The following TECTA variants were observed in gnomAD, a reference collection of about 807,000 sequenced individuals.
The protein encoded by TECTA is alpha-tectorin.
In TECTA, 128 loss-of-function variants were observed where a neutral mutation model predicts 216.8. The observed-to-expected ratio is 0.59, with a 90% CI of 0.51 to 0.68. TECTA has a LOEUF of 0.68. Ranked by LOEUF, TECTA falls within the 30% of genes least tolerant of loss-of-function variation. The pLI, the probability that TECTA is intolerant of heterozygous loss-of-function variation, is 0.00. For synonymous variants in TECTA, 1,089 were observed against 1,117.1 expected, an observed-to-expected ratio of 0.97 and a Z score of 0.50; for missense variants, 2,551 against 2,786.2, an observed-to-expected ratio of 0.92 and a Z score of 1.90.
intron 15 of TECTA, among the ~76,000 whole-genome samples, chr11:121,161,274 A>G (rs532956778): frequency 2.0e-5 from 3 of 152,292 alleles, no homozygotes; most frequent in Non-Finnish European, 2.9e-5. Flanking sequence ...TAGGTAAAAC[A>G]GAGACTAAGA....
chr11:121,154,951 C>T (rs1388439558), intron 13 of TECTA, among the ~76,000 whole-genome samples: 1 of 152,188 alleles, frequency 6.6e-6, no homozygotes, highest in Non-Finnish European at 1.5e-5. Context: ...GCATGGTCAG[C>T]TCTTGGCTGC....
intron 18 of TECTA, among the ~76,000 whole-genome samples, chr11:121,167,277 A>T (rs1304631832): frequency 6.6e-6 from 1 of 152,150 alleles, no homozygotes; most frequent in Non-Finnish European, 1.5e-5. Context: ...TTTTTAAAAA[A>T]TCTAAAAATT....
intron 20 of TECTA, among the ~76,000 whole-genome samples, chr11:121,170,608 T>G (rs1947102289): frequency 6.6e-6 from 1 of 152,190 alleles, no homozygotes; most frequent in African/African-American, 2.4e-5. Flanking sequence ...GTCTTTTTAA[T>G]AGTAGCCATT....
intron 16 of TECTA, 134 bp downstream of exon 16, chr11:121,162,504 A>G: frequency 8.1e-7 from 1 of 1,240,562 alleles, no homozygotes; most frequent in Non-Finnish European, 1.1e-6. Context: ...ATTGGATAGT[A>G]GAGAGCTGTG....
Position 121,127,914 on chromosome 11 carries a change from C to G in TECTA, c.1937C>G (p.Pro646Arg), listed in dbSNP as rs1565523068. The G allele has an allele frequency of 1.9e-6, 3 of 1,614,168 alleles. No individual in the cohort carries two copies. Among genetic ancestry groups the G allele is most frequent in the Non-Finnish European group, 2.5e-6 (3 of 1,180,034 alleles). The change falls in exon 9 of 24, where the codon CCT (proline) becomes CGT (arginine). Residue 646 changes from proline (P) to arginine (R), a missense_variant. By Grantham distance (103) the Pro-to-Arg change is moderately radical. This residue lies in a region of TECTA where 2,375 missense variants were observed against 2,563.9 expected (regional missense o/e 0.93). Transcript: ENST00000392793. This position sits in a 1 kb window ranked among gnomAD's most constrained non-coding sequence, Gnocchi z 5.0. ...GFVLSTSQCV[P>R]LHKCGCDFDG... ...GTCCTCAGCACCAGCCAGTGCGTCC[C>G]TCTGCACAAGTGCGGCTGCGACTTC... is the stretch of plus-strand genomic sequence containing the variant.
Position 121,128,234 on chromosome 11 carries a change from G to T in TECTA, c.2257G>T (p.Asp753Tyr), listed in dbSNP as rs1339282058. Residue 753 changes from aspartate to tyrosine, a missense_variant, in exon 9 of 24, where the codon GAC becomes TAC. By Grantham distance (160) the Asp-to-Tyr change is radical. Coordinates refer to ENST00000392793, the MANE Select transcript of TECTA (RefSeq NM_005422.4). ...TGAGCGCCCAGAGTACTTGGAAATC[G>T]ACATCAACAAGAAGAAGCCCGATGC... is the stretch of plus-strand genomic sequence containing the variant. ...CPERPEYLEI[D>Y]INKKKPDAGP... is the part of the protein sequence containing the mutation. The T allele has an allele frequency of 1.2e-6, 2 of 1,601,244 alleles. No homozygotes were observed. The highest frequency in any genetic ancestry group is 1.7e-5 in the Admixed American group (1 of 60,018).
chr11:121,137,376 C>T, intron 10 of TECTA, 45 bp from the exon 11 acceptor site: 1 of 1,613,374 alleles, frequency 6.2e-7, no homozygotes, highest in Non-Finnish European at 8.5e-7. Context: ...CTGTCTCTGA[C>T]TTTTGTCCTT....
intron 12 of TECTA, among the ~76,000 whole-genome samples, chr11:121,146,511 C>T (rs918807395): frequency 6.6e-6 from 1 of 152,160 alleles, no homozygotes; most frequent in Non-Finnish European, 1.5e-5. Context: ...CATGCTTTGT[C>T]TAAGCATGTT....
intron 20 of TECTA, among the ~76,000 whole-genome samples, chr11:121,170,442 G>A (rs140764850): frequency 6.9e-6 from 1 of 145,512 alleles, no homozygotes; most frequent in Non-Finnish European, 1.5e-5. Flanking sequence ...TGTTTTGTTT[G>A]GTTTTGTTTT....
chr11:121,143,093 A>G (rs1031236762), intron 11 of TECTA, among the ~76,000 whole-genome samples: 3 of 152,194 alleles, frequency 2.0e-5, no homozygotes, highest in African/African-American at 2.4e-5. Context: ...TTCTGGCCTC[A>G]TCTTCCTACT....
intron 20 of TECTA, among the ~76,000 whole-genome samples, chr11:121,172,943 T>C (rs1193930844): frequency 2.0e-5 from 3 of 149,624 alleles, no homozygotes; most frequent in East Asian, 1.9e-4. Flanking sequence ...TGGCCAGTGA[T>C]GGTGAGCATT....
At chr11:121,119,721 G>A (rs923877367) in intron 7 of TECTA, among the ~76,000 whole-genome samples, 16 of 152,204 alleles carry the variant, frequency 1.1e-4, no homozygotes, top group Non-Finnish European at 1.0e-4. Flanking sequence ...AAAATGTGTT[G>A]TAGTTTTAAT....
chr11:121,130,046 TGC>T lies in TECTA; in HGVS notation c.2777_2778del (p.Cys926SerfsTer24), dbSNP rs964006794. On this transcript the variant is annotated frameshift_variant, in exon 10 of 24. Transcript: ENST00000392793. LOFTEE classifies it high-confidence loss of function. ...CCCCTCCAACAGCTCCTTCCTGGAG[TGC>T]CATGGGGTGGTGAACGTCACTGCCT... ...NDPSNSSFLE[C>X]HGVVNVTAYY... The T allele has an allele frequency of 6.2e-7, 1 of 1,613,186 alleles. No individual in the cohort carries two copies. Among genetic ancestry groups the T allele is most frequent in the African/African-American group, 1.3e-5 (1 of 74,862 alleles).
chr11:121,139,703 T>G lies in TECTA; in HGVS notation c.3543+1681T>G, dbSNP rs1026629750. 9.3e-5 allele frequency among the ~76,000 whole-genome samples: 13 copies of G among 140,402 alleles called. No homozygotes were observed. The South Asian group carries it at 2.7e-3, about 29-fold the overall frequency. The allele number at this position is 140,402 out of a possible 152,430, so 92.1% of individuals were successfully genotyped here. A position where few individuals can be genotyped will look rare whatever the true frequency, so the allele number is the denominator to read the frequency against. On this transcript the variant is annotated intron_variant, in intron 11 of 23. Coordinates refer to ENST00000392793, the MANE Select transcript of TECTA (RefSeq NM_005422.4). ...AGACTCTGTCTCAAAAAAAAAAAAA[T>G]AATGAATGAAATGATACAAATAACC...
intron 20 of TECTA, among the ~76,000 whole-genome samples, chr11:121,177,356 G>A (rs1379160422): frequency 1.3e-5 from 2 of 152,136 alleles, no homozygotes; most frequent in Non-Finnish European, 2.9e-5. Context: ...GGTTTTTGGT[G>A]TGGATGTCCT....
At chr11:121,104,021 G>A (rs1565515197) in intron 2 of TECTA, among the ~76,000 whole-genome samples, 1 of 152,030 alleles carries the variant, frequency 6.6e-6, no homozygotes, top group Non-Finnish European at 1.5e-5. Context: ...CGGTATTATG[G>A]GTTTTCCATT....
rs767116710 is a variant in TECTA, at chr11:121,129,979, C to T, written c.2709C>T (p.Leu903=). ...CCTGCAACAATGACTCGGAGCTGCT[C>T]AAGTTTTATCGAAGCCGCTCCAGGT... ...LKACNNDSEL[L]KFYRSRSRCG... is the part of the protein sequence containing the mutation. The change falls in exon 10 of 24, where the codon CTC becomes CTT. Residue 903 remains leucine (L), a synonymous_variant. Transcript: ENST00000392793. The T allele has an allele frequency of 3.7e-6, 6 of 1,605,258 alleles. No homozygotes were observed. Among genetic ancestry groups the T allele is most frequent in the Non-Finnish European group, 5.1e-6 (6 of 1,174,424 alleles).
At chr11:121,124,028 G>T (rs1946583838) in intron 7 of TECTA, among the ~76,000 whole-genome samples, 1 of 152,186 alleles carries the variant, frequency 6.6e-6, no homozygotes. Context: ...TCCCAAGGAA[G>T]TCTTCCCTGA....
At position 121,152,969 on chromosome 11, in the gene TECTA, C is replaced by T. The variant is rs2135114927; in HGVS notation, c.4194C>T (p.Cys1398=). The change falls in exon 13 of 24, where the codon TGC becomes TGT. Residue 1398 remains cysteine (C), a synonymous_variant. Transcript: ENST00000392793. ...RCAAIRLKSD[C]SHYCVEGCHC... ...CCGCCATCCGCCTGAAGAGTGACTGCAGCCACTACTGCGTGGAGGGCTGTC... is the reference window on the plus strand; with the variant it reads ...CCGCCATCCGCCTGAAGAGTGACTGTAGCCACTACTGCGTGGAGGGCTGTC... 1 of 1,614,134 alleles carries T rather than the reference C, an allele frequency of 6.2e-7. No individual in the cohort carries two copies. The highest frequency in any genetic ancestry group is 1.1e-5 in the South Asian group (1 of 91,082).
Sources: gnomAD v4.1 joint callset for allele counts (sites outside exome capture counted in the v4.1 genomes callset) on GRCh38, gnomAD v4.1.1 for gene constraint, gnomAD v4.1.1 regional missense constraint, Gnocchi (gnomAD v3.1) non-coding constraint, MANE v1.5 for transcripts, NCBI Gene and HGNC (gene_info 2026-07-23, HGNC 2026-07-21) for gene names.